Variants in HPSE2 observed in about 807,000 individuals in gnomAD.
HPSE2 encodes the protein heparanase 2 (inactive), also known as inactive heparanase-2.
In HPSE2, 38 loss-of-function variants were observed where a neutral mutation model predicts 60.5. The ratio of observed to expected loss-of-function variants is 0.63; its 90% CI spans 0.48 to 0.82. The LOEUF (loss-of-function observed/expected upper bound fraction) is 0.82, where lower values mean the gene tolerates loss of function less well. HPSE2 is among the 40% of genes least tolerant of loss of function. The pLI, the probability that HPSE2 is intolerant of heterozygous loss-of-function variation, is 0.00. For synonymous variants in HPSE2, 295 were observed against 293.2 expected, an observed-to-expected ratio of 1.01 and a Z score of -0.06; for missense variants, 713 against 740.4, an observed-to-expected ratio of 0.96 and a Z score of 0.43.
chr10:98,762,665 G>A (rs776106197), intron 3 of HPSE2, among the ~76,000 whole-genome samples: 2 of 152,028 alleles, frequency 1.3e-5, no homozygotes, highest in Non-Finnish European at 2.9e-5. Flanking sequence ...ATGCATGGGA[G>A]ATGAGACCAA....
intron 3 of HPSE2, among the ~76,000 whole-genome samples, chr10:98,766,578 A>G (rs1309427196): frequency 6.6e-6 from 1 of 152,204 alleles, no homozygotes; most frequent in East Asian, 1.9e-4. Context: ...AGGAAAAATA[A>G]CACAACCAAG....
At chr10:99,117,952 C>T (rs746679772) in intron 3 of HPSE2, among the ~76,000 whole-genome samples, 23 of 152,094 alleles carry the variant, frequency 1.5e-4, no homozygotes, top group South Asian at 2.1e-4. Context: ...TGATGAACAT[C>T]GATGCAAAAA....
At chr10:99,310,117 C>G in the HPSE2 span, among the ~76,000 whole-genome samples, 2 of 152,220 alleles carry the variant, frequency 1.3e-5, no homozygotes, top group African/African-American at 4.8e-5. Context: ...GTATTTCTAA[C>G]TTCCTACCAG....
rs748178256 is a variant in HPSE2, at chr10:98,459,707, A to G, written c.1646T>C (p.Met549Thr). 8 of 1,613,880 alleles carry G rather than the reference A, an allele frequency of 5.0e-6. No individual in the cohort carries two copies. The Admixed American group carries it at 1.0e-4, about 20-fold the overall frequency. Residue 549 changes from methionine (M) to threonine (T), a missense_variant, in exon 12 of 12, where the codon ATG becomes ACG. By Grantham distance (81) the Met-to-Thr change is moderately conservative (BLOSUM62 -1). Coordinates refer to ENST00000370552, the MANE Select transcript of HPSE2 (RefSeq NM_021828.5). ...SVQLNGQPLV[M>T]VDDGTLPELK... ...TTCTGGGAGGGTCCCGTCGTCCACC[A>G]TCACTAAGGGCTGGCCATTCAGTTG...
At chr10:98,742,026 T>C (rs1443917947) in intron 4 of HPSE2, among the ~76,000 whole-genome samples, 2 of 152,158 alleles carry the variant, frequency 1.3e-5, no homozygotes, top group African/African-American at 4.8e-5. Context: ...AAGGGATCAG[T>C]AAAAGACTTT....
At chr10:98,498,737 G>C (rs1040267338) in intron 9 of HPSE2, among the ~76,000 whole-genome samples, 1 of 152,018 alleles carries the variant, frequency 6.6e-6, no homozygotes, top group Non-Finnish European at 1.5e-5. Flanking sequence ...CCAGTGCAAG[G>C]AAATCCAAAA....
intron 11 of HPSE2, among the ~76,000 whole-genome samples, chr10:98,462,571 T>A (rs2133580291): frequency 1.3e-5 from 2 of 152,324 alleles, no homozygotes; most frequent in South Asian, 4.1e-4. Flanking sequence ...CATTTTCAGG[T>A]CTCCATTCTC....
intron 3 of HPSE2, among the ~76,000 whole-genome samples, chr10:98,852,353 G>A (rs1441586159): frequency 2.6e-5 from 4 of 152,002 alleles, no homozygotes; most frequent in African/African-American, 7.3e-5. Flanking sequence ...GTTGGAGCTG[G>A]CCATAAAGAA....
chr10:98,673,826 C>G (rs1454779781), intron 6 of HPSE2, among the ~76,000 whole-genome samples: 2 of 152,118 alleles, frequency 1.3e-5, no homozygotes, highest in Non-Finnish European at 2.9e-5. Context: ...CCTGGACCAC[C>G]ATTTACTACC....
At position 98,480,975 on chromosome 10, in the gene HPSE2, A is replaced by C. The variant is rs143042635; in HGVS notation, c.1613+1661T>G. On this transcript the variant is annotated intron_variant, in intron 11 of 11. Coordinates refer to ENST00000370552, the MANE Select transcript of HPSE2 (RefSeq NM_021828.5). ...GAGGAAACTGACGCTCACAGAGATG[A>C]CATAACTTGCCTAAAGACACACAGC... Among the ~76,000 whole-genome samples, 661 of 152,318 alleles carry C rather than the reference A, an allele frequency of 4.3e-3. 4 individuals carry two copies. Among genetic ancestry groups the C allele is most frequent in the East Asian group, 0.02 (101 of 5,178 alleles).
chr10:98,782,939 A>T (rs1168106528), intron 3 of HPSE2, among the ~76,000 whole-genome samples: 74 of 37,864 alleles, frequency 2.0e-3, no homozygotes, highest in African/African-American at 7.4e-3. Context: ...TTTTTTTTTA[A>T]TGTTTTTTTT....
At chr10:98,866,410 T>C (rs1231210825) in intron 3 of HPSE2, among the ~76,000 whole-genome samples, 2 of 152,034 alleles carry the variant, frequency 1.3e-5, no homozygotes, top group Non-Finnish European at 2.9e-5. Flanking sequence ...AGATAATTGG[T>C]GTCTTAGAAC....
chr10:98,682,248 G>A (rs1456868389), intron 6 of HPSE2, among the ~76,000 whole-genome samples: 1 of 152,206 alleles, frequency 6.6e-6, no homozygotes, highest in African/African-American at 2.4e-5. Context: ...ATCATGTGAT[G>A]TGTGTGCTCC....
chr10:98,888,137 C>CAA (rs1481126072), intron 3 of HPSE2, among the ~76,000 whole-genome samples: 4 of 25,190 alleles, frequency 1.6e-4, no homozygotes, highest in African/African-American at 3.9e-4. Flanking sequence ...TTAAAACAAA[C>CAA]ACACACACAC....
chr10:99,148,961 C>T (rs1452416570), intron 2 of HPSE2, among the ~76,000 whole-genome samples: 1 of 151,886 alleles, frequency 6.6e-6, no homozygotes, highest in East Asian at 1.9e-4. Flanking sequence ...ACTCCAAAAT[C>T]ACCACTAAAG....
chr10:98,942,603 A>G (rs1718230760), intron 3 of HPSE2, among the ~76,000 whole-genome samples: 1 of 152,196 alleles, frequency 6.6e-6, no homozygotes. Context: ...GAGGATGCAG[A>G]GAAATAGGAA....
At chr10:98,512,397 C>T (rs1485401970) in intron 9 of HPSE2, among the ~76,000 whole-genome samples, 27 of 152,018 alleles carry the variant, frequency 1.8e-4, no homozygotes, top group South Asian at 2.1e-4. Context: ...CTGGCTAACA[C>T]GGTGAAACCC....
At chr10:99,031,139 T>C (rs1390383743) in intron 3 of HPSE2, among the ~76,000 whole-genome samples, 2 of 152,166 alleles carry the variant, frequency 1.3e-5, no homozygotes, top group Non-Finnish European at 2.9e-5. Flanking sequence ...ACTAAGAGTA[T>C]AATAGGATTG....
At chr10:99,198,255 A>C (rs940780168) in intron 2 of HPSE2, among the ~76,000 whole-genome samples, 2 of 152,194 alleles carry the variant, frequency 1.3e-5, no homozygotes, top group African/African-American at 2.4e-5. Context: ...AAATGTGAGT[A>C]ATAATAATTT....
Sources: gnomAD v4.1 joint callset for allele counts (sites outside exome capture counted in the v4.1 genomes callset) on GRCh38, gnomAD v4.1.1 for gene constraint, MANE v1.5 for transcripts, NCBI Gene and HGNC (gene_info 2026-07-23, HGNC 2026-07-21) for gene names.